ITPR1: variants seen among roughly 807,000 people sequenced by gnomAD.
ITPR1 encodes inositol 1,4,5-trisphosphate-gated calcium channel ITPR1.
In ITPR1, 96 loss-of-function variants were observed where a neutral mutation model predicts 318.4. That is an observed-to-expected ratio of 0.30 (90% CI 0.26 to 0.36). The LOEUF (loss-of-function observed/expected upper bound fraction) is 0.36, where lower values mean the gene tolerates loss of function less well. ITPR1 is among the 10% of genes least tolerant of loss of function. ITPR1 has a pLI of 1.00. For synonymous variants in ITPR1, 1,312 were observed against 1,289.9 expected (o/e 1.02, Z -0.37); for missense variants, 2,440 against 3,460.2 (o/e 0.71, Z 7.40).
intron 4 of ITPR1, among the ~76,000 whole-genome samples, chr3:4,547,094 G>A (rs1484422093): frequency 2.6e-5 from 4 of 152,158 alleles, no homozygotes; most frequent in African/African-American, 9.7e-5. Context: ...TTTATTGAGT[G>A]TCTACTCCAT....
intron 61 of ITPR1, among the ~76,000 whole-genome samples, chr3:4,840,573 C>T (rs2051270872): frequency 6.6e-6 from 1 of 152,050 alleles, no homozygotes; most frequent in African/African-American, 2.4e-5. Flanking sequence ...CTGTTATTTA[C>T]CTCTTTGATT....
At chr3:4,646,079 C>A (rs1347808330) in intron 10 of ITPR1, 2 of 233,652 alleles carry the variant, frequency 8.6e-6, no homozygotes, top group Non-Finnish European at 1.7e-5. Flanking sequence ...GCCATCTAAT[C>A]CCTTCTATTG....
chr3:4,640,904 G>T (rs1198233549), intron 6 of ITPR1, among the ~76,000 whole-genome samples: 1 of 152,174 alleles, frequency 6.6e-6, no homozygotes. Flanking sequence ...AGGACCAGAG[G>T]TTACTCACCA....
intron 44 of ITPR1, among the ~76,000 whole-genome samples, chr3:4,747,533 G>T (rs1159811997): frequency 6.6e-6 from 1 of 152,212 alleles, no homozygotes. Flanking sequence ...TTTGGTAGTG[G>T]AGTCTTTGTG....
intron 60 of ITPR1, among the ~76,000 whole-genome samples, chr3:4,833,336 C>A (rs2050652430): frequency 6.6e-6 from 1 of 152,170 alleles, no homozygotes; most frequent in African/African-American, 2.4e-5. Flanking sequence ...TGTGCAGACT[C>A]TTGCATTGGT....
At chr3:4,634,070 T>C (rs1272609396) in intron 5 of ITPR1, among the ~76,000 whole-genome samples, 1 of 152,188 alleles carries the variant, frequency 6.6e-6, no homozygotes, top group Non-Finnish European at 1.5e-5. Flanking sequence ...TGGTGAATAA[T>C]AGTGGTGGAA....
intron 4 of ITPR1, among the ~76,000 whole-genome samples, chr3:4,551,623 T>A (rs1260571897): frequency 6.6e-6 from 1 of 152,240 alleles, no homozygotes; most frequent in African/African-American, 2.4e-5. Context: ...GCCAGGGACT[T>A]AATGTTCATT....
intron 4 of ITPR1, among the ~76,000 whole-genome samples, chr3:4,586,698 G>A (rs1443514986): frequency 6.7e-6 from 1 of 149,662 alleles, no homozygotes; most frequent in African/African-American, 2.5e-5. Context: ...CTGGAGAGAT[G>A]AGGTCTCCCT....
chr3:4,768,629 C>T lies in ITPR1; in HGVS notation c.5844C>T (p.Tyr1948=), dbSNP rs753794939. 4.3e-6 allele frequency: 7 copies of T among 1,614,026 alleles called. No individual in the cohort carries two copies. The South Asian group carries it at 6.6e-5, about 15-fold the overall frequency. Reference sequence around the variant, plus strand: ...GGGAGGCTGATCCCGACGACCACTACCAGCCTGGAGAGGGCACCCAGGCCA... The same window carrying T: ...GGGAGGCTGATCCCGACGACCACTATCAGCCTGGAGAGGGCACCCAGGCCA... The part of the protein sequence containing the change: ...FRREADPDDH[Y]QPGEGTQATA... The change falls in exon 46 of 62, where the codon TAC becomes TAT. Residue 1948 remains tyrosine, a synonymous_variant. Coordinates refer to ENST00000649015, the MANE Select transcript of ITPR1 (RefSeq NM_001378452.1).
At chr3:4,676,836 T>G in intron 24 of ITPR1, 35 bp downstream of exon 24, 58 of 1,540,608 alleles carry the variant, frequency 3.8e-5, no homozygotes, top group Non-Finnish European at 4.8e-5. Flanking sequence ...AGGGAGGGTA[T>G]GTCACAGAGG....
At position 4,635,439 on chromosome 3, in the gene ITPR1, C is replaced by T. The variant is rs2093155980; in HGVS notation, c.280-3945C>T. Among the ~76,000 whole-genome samples the T allele has an allele frequency of 2.0e-5, 3 of 152,134 alleles. No homozygotes were observed. The South Asian group carries it at 6.2e-4, about 32-fold the overall frequency. The stretch of plus-strand genomic sequence containing the variant: ...CACTGCAAGCTCCACCTCCCGGGTC[C>T]ACCCCTTTCTCCTGCCTCAGCCTCC... On this transcript the variant is annotated intron_variant, in intron 5 of 61. Transcript: ENST00000649015.
intron 25 of ITPR1, 101 bp from the exon 26 acceptor site, chr3:4,681,263 G>T (rs768520595): frequency 1.3e-6 from 1 of 779,690 alleles, no homozygotes; most frequent in Non-Finnish European, 2.3e-6. Flanking sequence ...GAGATTTGGG[G>T]TTAACTCAAC....
intron 40 of ITPR1, among the ~76,000 whole-genome samples, chr3:4,718,408 T>G (rs904419313): frequency 6.6e-6 from 1 of 152,274 alleles, no homozygotes; most frequent in African/African-American, 2.4e-5. Flanking sequence ...CTCTAGTATC[T>G]ACTCTAATTA....
Position 4,779,444 on chromosome 3 carries a change from C to T in ITPR1, c.6292-106C>T, listed in dbSNP as rs1039230577. On this transcript the variant is annotated intron_variant, in intron 48 of 61. Coordinates refer to ENST00000649015, the MANE Select transcript of ITPR1 (RefSeq NM_001378452.1). The surrounding 1 kb of genome is among the most constrained non-coding windows in gnomAD (Gnocchi z 4.0). ...GAGCTTCCTCATGGGGTGAAATGTTCGTCTGTTTAGCCGGGATGCCTCCCA... is the reference window on the plus strand; with the variant it reads ...GAGCTTCCTCATGGGGTGAAATGTTTGTCTGTTTAGCCGGGATGCCTCCCA... 2.9e-5 allele frequency: 22 copies of T among 761,284 alleles called. No homozygotes were observed. Among genetic ancestry groups the T allele is most frequent in the South Asian group, 2.3e-4 (16 of 69,156 alleles). 47.2% of individuals were successfully genotyped at this position (761,284 alleles called of 1,614,324 possible).
chr3:4,596,964 G>A (rs2090876843), intron 4 of ITPR1, among the ~76,000 whole-genome samples: 1 of 152,214 alleles, frequency 6.6e-6, no homozygotes, highest in African/African-American at 2.4e-5. Flanking sequence ...GCCGCTTACT[G>A]TATGTTCAGC....
At chr3:4,685,237 C>A in intron 30 of ITPR1, 31 bp downstream of exon 30, 1 of 1,573,890 alleles carries the variant, frequency 6.4e-7, no homozygotes, top group South Asian at 1.1e-5. Flanking sequence ...AGCAGCTGCT[C>A]TCAGGATGGG....
intron 4 of ITPR1, among the ~76,000 whole-genome samples, chr3:4,534,489 G>A (rs1008333461): frequency 6.6e-6 from 1 of 152,162 alleles, no homozygotes; most frequent in East Asian, 1.9e-4. Context: ...TAGGTGTGAA[G>A]AAAAGAATAC....
Position 4,516,583 on chromosome 3 carries a change from G to A in ITPR1, c.92G>A (p.Gly31Asp). Residue 31 changes from glycine to aspartate, a missense_variant and splice_region_variant, in exon 3 of 62, where the codon GGC becomes GAC. Physicochemically the swap from Gly to Asp is moderately conservative, Grantham distance 94. Transcript: ENST00000649015. ...GSTNGFISTL[G>D]LVDDRCVVQP... Reference sequence around the variant, plus strand: ...ACAAATGGATTTATTAGCACCTTGGGGTAAGAGCATGCAATTTCTTGTGTG... The same window carrying A: ...ACAAATGGATTTATTAGCACCTTGGAGTAAGAGCATGCAATTTCTTGTGTG... 6.3e-7 allele frequency: 1 copy of A among 1,583,350 alleles called. No homozygotes were observed. Among genetic ancestry groups the A allele is most frequent in the Non-Finnish European group, 8.6e-7 (1 of 1,157,528 alleles).
chr3:4,574,208 T>C (rs1436982739), intron 4 of ITPR1, among the ~76,000 whole-genome samples: 1 of 152,106 alleles, frequency 6.6e-6, no homozygotes, highest in Non-Finnish European at 1.5e-5. Flanking sequence ...CTTCTTTTTT[T>C]TTTTTTCAGC....
Sources: gnomAD v4.1 joint callset for allele counts (sites outside exome capture counted in the v4.1 genomes callset) on GRCh38, gnomAD v4.1.1 for gene constraint, Gnocchi (gnomAD v3.1) non-coding constraint, MANE v1.5 for transcripts, NCBI Gene and HGNC (gene_info 2026-07-23, HGNC 2026-07-21) for gene names.